ZDHHC1: variants seen among roughly 807,000 people sequenced by gnomAD.
The protein encoded by ZDHHC1 is zDHHC palmitoyltransferase 1.
ZDHHC1 carries 45 observed loss-of-function variants against 46.9 expected under a neutral mutation model. That is an observed-to-expected ratio of 0.96 (90% CI 0.76 to 1.23). ZDHHC1 has a LOEUF of 1.23. Among genes scored for constraint, ZDHHC1 ranks in the 50% most tolerant of loss-of-function variants. The probability of loss-of-function intolerance (pLI) is 0.00; values close to 1 mark genes in which losing one functional copy is unlikely to be tolerated. For synonymous variants in ZDHHC1, 291 were observed against 286.0 expected, an observed-to-expected ratio of 1.02 and a Z score of -0.18; for missense variants, 649 against 670.8, an observed-to-expected ratio of 0.97 and a Z score of 0.36.
intron 4 of ZDHHC1, among the ~76,000 whole-genome samples, chr16:67,400,634 G>A (rs1269519821): frequency 6.6e-6 from 1 of 152,226 alleles, no homozygotes; most frequent in Non-Finnish European, 1.5e-5. Flanking sequence ...GTGAGTGTCA[G>A]GCATCAACAC....
intron 10 of ZDHHC1, 25 bp downstream of exon 10, chr16:67,395,162 G>C (rs577666673): frequency 6.2e-7 from 1 of 1,613,022 alleles, no homozygotes; most frequent in East Asian, 2.2e-5. Context: ...CACCTGGACC[G>C]GAGGCCCAGC....
At position 67,394,468 on chromosome 16, in the gene ZDHHC1, G is replaced by C; in HGVS notation, c.*142C>G. On this transcript the variant is annotated 3_prime_UTR_variant, in exon 12 of 12. Coordinates refer to ENST00000565726, the MANE Select transcript of ZDHHC1 (RefSeq NM_001323627.2). ...TTGGAGCATCACAGCCGGTGGGGCG[G>C]GTATTGCTGAGTCGTGGGGGAGGGA... The C allele has an allele frequency of 6.5e-6, 4 of 614,018 alleles. No homozygotes were observed. Among genetic ancestry groups the C allele is most frequent in the Non-Finnish European group, 6.5e-6 (3 of 459,666 alleles). 38.0% of individuals were successfully genotyped at this position (614,018 alleles called of 1,614,324 possible). A position where few individuals can be genotyped will look rare whatever the true frequency, so the allele number is the denominator to read the frequency against.
At chr16:67,398,999 C>T (rs931458772) in intron 5 of ZDHHC1, 55 bp from the exon 6 acceptor site, 68 of 1,588,552 alleles carry the variant, frequency 4.3e-5, no homozygotes, top group Non-Finnish European at 5.7e-5. Flanking sequence ...CTCAGAAGGC[C>T]CATAGGAGTT....
intron 3 of ZDHHC1, among the ~76,000 whole-genome samples, chr16:67,403,044 T>C (rs1294847582): frequency 6.6e-6 from 1 of 152,196 alleles, no homozygotes; most frequent in African/African-American, 2.4e-5. Flanking sequence ...AAGGCTTACC[T>C]GAGGAAGTAT....
Position 67,396,823 on chromosome 16 carries a change from T to TG in ZDHHC1, c.928-1258dup, listed in dbSNP as rs575792449. ...GGGCCAGCAGAGGGGCAAAGCCCAC[T>TG]GGGGGGCCCTGGGCTCCAGAGGGGG... is the stretch of plus-strand genomic sequence containing the variant. On this transcript the variant is annotated intron_variant, in intron 8 of 11. Coordinates refer to ENST00000565726, the MANE Select transcript of ZDHHC1 (RefSeq NM_001323627.2). 1.1e-4 allele frequency among the ~76,000 whole-genome samples: 16 copies of TG among 152,198 alleles called. No homozygotes were observed. The South Asian group carries it at 2.7e-3, about 26-fold the overall frequency.
Position 67,406,256 on chromosome 16 carries a change from C to T in ZDHHC1, c.196G>A (p.Gly66Ser), listed in dbSNP as rs370858030. 46 of 1,612,700 alleles carry T rather than the reference C, an allele frequency of 2.9e-5. No individual in the cohort carries two copies. Among genetic ancestry groups the T allele is most frequent in the Non-Finnish European group, 3.8e-5 (45 of 1,179,616 alleles). ...WLLYLFFAVIGFGILVPLLPH... is the reference protein window; with the variant it reads ...WLLYLFFAVISFGILVPLLPH... ...AGGAGGGGAACAAGGATCCCAAAGCCGATCACAGCAAAGAAGAGGTACAGC... is the reference window on the plus strand; with the variant it reads ...AGGAGGGGAACAAGGATCCCAAAGCTGATCACAGCAAAGAAGAGGTACAGC... The change falls in exon 3 of 12, where the codon GGC (glycine) becomes AGC (serine). Residue 66 changes from glycine to serine, a missense_variant. By Grantham distance (56) the Gly-to-Ser change is moderately conservative. Transcript: ENST00000565726. This position sits in a 1 kb window ranked among gnomAD's most constrained non-coding sequence, Gnocchi z 4.1.
chr16:67,394,494 G>T lies in ZDHHC1; in HGVS notation c.*116C>A. On this transcript the variant is annotated 3_prime_UTR_variant, in exon 12 of 12. Transcript: ENST00000565726. ...GTATTGCTGAGTCGTGGGGGAGGGA[G>T]GCCGATCCCGCCGGCCGTAGGGGCC... 1 of 924,084 alleles carries T rather than the reference G, an allele frequency of 1.1e-6. No homozygotes were observed. The highest frequency in any genetic ancestry group is 1.3e-6 in the Non-Finnish European group (1 of 741,640). 57.2% of individuals were successfully genotyped at this position (924,084 alleles called of 1,614,324 possible). A position where few individuals can be genotyped will look rare whatever the true frequency, so the allele number is the denominator to read the frequency against.
intron 1 of ZDHHC1, among the ~76,000 whole-genome samples, chr16:67,410,314 C>T (rs1254128945): frequency 1.3e-5 from 2 of 152,216 alleles, no homozygotes; most frequent in Non-Finnish European, 2.9e-5. Context: ...TTGCTGCCCA[C>T]CTGGCTACCT....
At position 67,395,048 on chromosome 16, in the gene ZDHHC1, C is replaced by A; in HGVS notation, c.1119G>T (p.Arg373Ser). The part of the protein sequence containing the change: ...PRIRPQKKRK[R>S]RVYKVRTSET... ...CAGACGTTCGCACTTTATACACGCG[C>A]CTCTTCCTCTTTTTCTGCAGAGACA... The change falls in exon 11 of 12, where the codon AGG (arginine) becomes AGT (serine). Residue 373 changes from arginine to serine, a missense_variant. Physicochemically the swap from Arg to Ser is moderately radical, Grantham distance 110. Transcript: ENST00000565726. 1 of 1,613,184 alleles carries A rather than the reference C, an allele frequency of 6.2e-7. No homozygotes were observed. The highest frequency in any genetic ancestry group is 8.5e-7 in the Non-Finnish European group (1 of 1,179,850).
chr16:67,398,770 G>A, intron 6 of ZDHHC1, 39 bp from the exon 7 acceptor site: 2 of 1,612,072 alleles, frequency 1.2e-6, no homozygotes, highest in Non-Finnish European at 1.7e-6. Context: ...CCGGGGACGT[G>A]ACGGGTGACC....
rs1567517080 is a variant in ZDHHC1, at chr16:67,399,377, AGTT to A, written c.505_507del (p.Asn169del). The A allele has an allele frequency of 1.9e-6, 3 of 1,613,094 alleles. No homozygotes were observed. The South Asian group carries it at 3.3e-5, about 18-fold the overall frequency. On this transcript the variant is annotated inframe_deletion, in exon 5 of 12. Transcript: ENST00000565726. ...CACCGGTAGTTCCGCTCGCCCACAC[AGTT>A]GTTGAGCCACTTGCAGTGGTGGTCG...
rs189339513 is a variant in ZDHHC1 at position 67,397,275 on chromosome 16, C to T, written c.927+937G>A. Among the ~76,000 whole-genome samples the T allele has an allele frequency of 3.1e-3, 478 of 152,372 alleles. 8 individuals are homozygous for T. Among genetic ancestry groups the T allele is most frequent in the Admixed American group, 0.027 (415 of 15,310 alleles). On this transcript the variant is annotated intron_variant, in intron 8 of 11. Transcript: ENST00000565726. ...TTGAGAAAGTCTCCTGCCTACTTCT[C>T]TGGGCCTCCGTCTCCTCTTGATGTG...
At position 67,406,437 on chromosome 16, in the gene ZDHHC1, G is replaced by A; in HGVS notation, c.15C>T (p.Asn5=). The change falls in exon 3 of 12, where the codon AAC becomes AAT. Residue 5 remains asparagine (N), a synonymous_variant. Coordinates refer to ENST00000565726, the MANE Select transcript of ZDHHC1 (RefSeq NM_001323627.2). This position sits in a 1 kb window ranked among gnomAD's most constrained non-coding sequence, Gnocchi z 4.1. MYKM[N]ICNKPSNKTA... ...TCTTGTTGGAGGGCTTGTTGCAGAT[G>A]TTCATCTCCAGAGGGAGAAACAGTA... The A allele has an allele frequency of 6.5e-7, 1 of 1,537,760 alleles. No homozygotes were observed.
rs909425305 is a variant in ZDHHC1 at position 67,395,031 on chromosome 16, C to G, written c.1136G>C (p.Arg379Pro). The change falls in exon 11 of 12, where the codon CGA becomes CCA. Residue 379 changes from arginine (R) to proline (P), a missense_variant. Arg to Pro is a moderately radical substitution (Grantham distance 103). Transcript: ENST00000565726. ...CGCCGGATCCGAGGTCTCAGACGTTCGCACTTTATACACGCGCCTCTTCCT... is the reference window on the plus strand; with the variant it reads ...CGCCGGATCCGAGGTCTCAGACGTTGGCACTTTATACACGCGCCTCTTCCT... ...KKRKRRVYKV[R>P]TSETSDPASG... 6.2e-7 allele frequency: 1 copy of G among 1,612,576 alleles called. No individual in the cohort carries two copies. The highest frequency in any genetic ancestry group is 1.3e-5 in the African/African-American group (1 of 74,924).
chr16:67,413,412 C>T (rs1053862469), intron 1 of ZDHHC1, among the ~76,000 whole-genome samples: 1 of 152,186 alleles, frequency 6.6e-6, no homozygotes, highest in Non-Finnish European at 1.5e-5. Flanking sequence ...TGCAAAAAGT[C>T]ATTTACAAAA....
At position 67,401,805 on chromosome 16, in the gene ZDHHC1, G is replaced by A. The variant is rs1371332521; in HGVS notation, c.253-673C>T. Reference sequence around the variant, plus strand: ...CTCTTCCAGGATCTAACTGCTCAATGACTGGGCCAAATGCAGGAGACAAGT... The same window carrying A: ...CTCTTCCAGGATCTAACTGCTCAATAACTGGGCCAAATGCAGGAGACAAGT... On this transcript the variant is annotated intron_variant, in intron 3 of 11. Transcript: ENST00000565726. The surrounding 1 kb of genome is among the most constrained non-coding windows in gnomAD (Gnocchi z 4.6). Among the ~76,000 whole-genome samples, 1 of 152,198 alleles carries A rather than the reference G, an allele frequency of 6.6e-6. No homozygotes were observed. Among genetic ancestry groups the A allele is most frequent in the Non-Finnish European group, 1.5e-5 (1 of 68,034 alleles).
At position 67,401,527 on chromosome 16, in the gene ZDHHC1, C is replaced by A. The variant is rs1410290010; in HGVS notation, c.253-395G>T. On this transcript the variant is annotated intron_variant, in intron 3 of 11. Transcript: ENST00000565726. The surrounding 1 kb of genome is among the most constrained non-coding windows in gnomAD (Gnocchi z 4.6). ...AAAGAGATCAACCCCACCTAAGGTC[C>A]AAGAACCTGAAGTTTAAGTCCCAGC... Among the ~76,000 whole-genome samples the A allele has an allele frequency of 1.3e-5, 2 of 152,194 alleles. No homozygotes were observed. The highest frequency in any genetic ancestry group is 2.9e-5 in the Non-Finnish European group (2 of 68,034).
At chr16:67,398,118 C>T in intron 8 of ZDHHC1, 94 bp downstream of exon 8, 1 of 1,281,930 alleles carries the variant, frequency 7.8e-7, no homozygotes, top group Non-Finnish European at 1.1e-6. Context: ...CTGTTCCAGG[C>T]TTGCCTCCCT....
In ZDHHC1 at chr16:67,398,277, G is replaced by A. The variant is rs752500863; in HGVS notation, c.862C>T (p.Pro288Ser). ...TYEYIVQHRP[P>S]QEAKGVHREL... Reference sequence around the variant, plus strand: ...CTGTGAACCCCCTTGGCCTCCTGTGGTGGGCGGTGCTGCACGATGTACTCA... The same window carrying A: ...CTGTGAACCCCCTTGGCCTCCTGTGATGGGCGGTGCTGCACGATGTACTCA... The change falls in exon 8 of 12, where the codon CCA (proline) becomes TCA (serine). Residue 288 changes from proline to serine, a missense_variant. By Grantham distance (74) the Pro-to-Ser change is moderately conservative (BLOSUM62 -1). Coordinates refer to ENST00000565726, the MANE Select transcript of ZDHHC1 (RefSeq NM_001323627.2). 6 of 1,614,174 alleles carry A rather than the reference G, an allele frequency of 3.7e-6. No homozygotes were observed. The Middle Eastern group carries it at 6.6e-4, about 178-fold the overall frequency.
Sources: allele counts gnomAD v4.1 joint callset (sites outside exome capture counted in the v4.1 genomes callset), GRCh38; gene constraint gnomAD v4.1.1; non-coding constraint Gnocchi (gnomAD v3.1); transcripts MANE v1.5; gene names NCBI Gene and HGNC (gene_info 2026-07-23, HGNC 2026-07-21).